GPHN: variants seen among roughly 807,000 people sequenced by gnomAD.
The protein encoded by GPHN is gephyrin.
GPHN carries 17 observed loss-of-function variants against 95.5 expected under a neutral mutation model. That is an observed-to-expected ratio of 0.18 (90% confidence interval 0.12 to 0.27). GPHN has a LOEUF of 0.27. Ranked by LOEUF, GPHN falls within the 10% of genes least tolerant of loss-of-function variation. GPHN has a pLI of 1.00. For missense variants in GPHN, 660 were observed against 978.1 expected, an observed-to-expected ratio of 0.67 and a Z score of 4.34; for synonymous variants, 320 against 322.5, an observed-to-expected ratio of 0.99 and a Z score of 0.08.
At chr14:66,820,465 T>G (rs2153489732) in intron 3 of GPHN, among the ~76,000 whole-genome samples, 1 of 152,302 alleles carries the variant, frequency 6.6e-6, no homozygotes, top group East Asian at 1.9e-4. Context: ...CTCATCATTA[T>G]GTGAGGACTG....
chr14:67,416,742 G>T, the GPHN span, among the ~76,000 whole-genome samples: 1 of 152,238 alleles, frequency 6.6e-6, no homozygotes, highest in Admixed American at 6.5e-5. Flanking sequence ...TCATATGTCA[G>T]TGTAAACAAG....
intron 1 of GPHN, among the ~76,000 whole-genome samples, chr14:66,598,748 G>T (rs1355688089): frequency 6.6e-6 from 1 of 151,842 alleles, no homozygotes; most frequent in Non-Finnish European, 1.5e-5. Context: ...AGGTGGCTGA[G>T]GCAGGAGAAT....
chr14:67,331,343 G>T, the GPHN span, among the ~76,000 whole-genome samples: 2 of 152,140 alleles, frequency 1.3e-5, no homozygotes, highest in African/African-American at 4.8e-5. Context: ...CCCTGCGCTG[G>T]TATTGGTATT....
chr14:67,672,300 G>C, the GPHN span, among the ~76,000 whole-genome samples: 1 of 151,486 alleles, frequency 6.6e-6, no homozygotes, highest in Non-Finnish European at 1.5e-5. Context: ...TTTATTTTTT[G>C]TAGAGATGAG....
intron 1 of GPHN, among the ~76,000 whole-genome samples, chr14:66,510,438 G>T (rs2057998849): frequency 6.6e-6 from 1 of 152,192 alleles, no homozygotes; most frequent in Non-Finnish European, 1.5e-5. Flanking sequence ...AAGTGACATA[G>T]CAGATAGGTG....
the GPHN span, chr14:67,395,604 T>A: frequency 6.2e-7 from 1 of 1,612,344 alleles, no homozygotes; most frequent in Non-Finnish European, 8.5e-7. Context: ...AGAGAGCCAG[T>A]CAGGCCAGCA....
At chr14:67,575,654 A>T in the GPHN span, 1 of 703,570 alleles carries the variant, frequency 1.4e-6, no homozygotes. Flanking sequence ...TTCTCCAAGC[A>T]AGCCTCATTC....
rs1339274806 is a variant in GPHN at position 66,924,232 on chromosome 14, A to G, written c.768A>G (p.Ala256=). The change falls in exon 8 of 23, where the codon GCA becomes GCG. Residue 256 remains alanine, a synonymous_variant. Coordinates refer to ENST00000478722, the MANE Select transcript of GPHN (RefSeq NM_020806.5). Reference sequence around the variant, plus strand: ...ACACCAGTCCTGCTGTTGTCATGGCACACGGTGAACAGCCCATCCCTGGTC... The same window carrying G: ...ACACCAGTCCTGCTGTTGTCATGGCGCACGGTGAACAGCCCATCCCTGGTC... ...PFYTSPAVVM[A]HGEQPIPGLI... The G allele has an allele frequency of 6.2e-7, 1 of 1,611,524 alleles. No individual in the cohort carries two copies. Among genetic ancestry groups the G allele is most frequent in the African/African-American group, 1.3e-5 (1 of 74,874 alleles).
intron 2 of GPHN, among the ~76,000 whole-genome samples, chr14:66,738,723 A>T (rs2072515657): frequency 6.6e-6 from 1 of 152,128 alleles, no homozygotes. Flanking sequence ...TCTTCACTTA[A>T]TGTATTTATT....
intron 9 of GPHN, among the ~76,000 whole-genome samples, chr14:67,018,363 A>AT (rs927620869): frequency 6.6e-6 from 1 of 151,094 alleles, no homozygotes; most frequent in Non-Finnish European, 1.5e-5. Context: ...GAACTTGGGA[A>AT]TTTTTTTTTA....
the GPHN span, among the ~76,000 whole-genome samples, chr14:67,365,181 CTCT>C: frequency 2.0e-5 from 3 of 152,084 alleles, no homozygotes; most frequent in Non-Finnish European, 4.4e-5. Context: ...TAAGCAAGAT[CTCT>C]TAATAGTAGT....
chr14:67,124,063 T>A (rs1369577878), intron 17 of GPHN, among the ~76,000 whole-genome samples: 3 of 152,202 alleles, frequency 2.0e-5, no homozygotes, highest in Non-Finnish European at 4.4e-5. Context: ...TTTTCAAATG[T>A]CATTCTTTTT....
the GPHN span, among the ~76,000 whole-genome samples, chr14:67,632,873 T>G: frequency 7.8e-6 from 1 of 127,590 alleles, no homozygotes; most frequent in South Asian, 2.7e-4. Context: ...CAGGCTGGAG[T>G]GCAGTGGCGT....
intron 2 of GPHN, among the ~76,000 whole-genome samples, chr14:66,756,883 A>G (rs1457012642): frequency 2.0e-5 from 3 of 152,242 alleles, no homozygotes; most frequent in Non-Finnish European, 2.9e-5. Context: ...GAACAGGCAT[A>G]CTTCTAAACT....
intron 10 of GPHN, among the ~76,000 whole-genome samples, chr14:67,028,601 T>C (rs142500628): frequency 0.017 from 2,551 of 152,322 alleles, 58 homozygotes; most frequent in African/African-American, 0.053. Context: ...TTGATTTGCA[T>C]TTCTCTGATG....
the GPHN span, among the ~76,000 whole-genome samples, chr14:67,324,568 TTTG>T: frequency 5.3e-5 from 8 of 152,168 alleles, 1 homozygote; most frequent in Admixed American, 2.6e-4. Flanking sequence ...GATTGTTTTT[TTTG>T]TTGTTGTTGT....
the GPHN span, among the ~76,000 whole-genome samples, chr14:67,308,679 G>A: frequency 6.6e-6 from 1 of 151,274 alleles, no homozygotes; most frequent in African/African-American, 2.4e-5. Flanking sequence ...CCAAGTAGCT[G>A]GGATTACAGC....
intron 8 of GPHN, among the ~76,000 whole-genome samples, chr14:66,931,091 C>T (rs1279814760): frequency 6.6e-6 from 1 of 152,024 alleles, no homozygotes; most frequent in Non-Finnish European, 1.5e-5. Context: ...CTTTATTTCT[C>T]CTTCATGTTT....
At chr14:66,985,791 C>A in intron 9 of GPHN, 1 of 1,031,894 alleles carries the variant, frequency 9.7e-7, no homozygotes, top group Non-Finnish European at 1.4e-6. Context: ...GCCTACACTT[C>A]TTCCTTTTTG....
Sources: gnomAD v4.1 joint callset for allele counts (sites outside exome capture counted in the v4.1 genomes callset) on GRCh38, gnomAD v4.1.1 for gene constraint, MANE v1.5 for transcripts, NCBI Gene and HGNC (gene_info 2026-07-23, HGNC 2026-07-21) for gene names.